Variants in HMG20B observed in about 807,000 individuals in gnomAD.
HMG20B encodes high mobility group 20B.
In HMG20B, 24 loss-of-function variants were observed where a neutral mutation model predicts 41.6. The observed-to-expected ratio is 0.58, with a 90% CI of 0.42 to 0.81. The LOEUF is 0.81. Among genes scored for constraint, HMG20B ranks in the 30% least tolerant of loss-of-function variants. The pLI is 0.00. For missense variants in HMG20B, 461 were observed against 444.0 expected (o/e 1.04, Z -0.34); for synonymous variants, 251 against 186.6 (o/e 1.34, Z -2.81).
rs2032082506 is a variant in HMG20B, at chr19:3,573,345, C to T, written c.36C>T (p.Ala12=). Residue 12 remains alanine (A), a splice_region_variant and synonymous_variant, in exon 2 of 10, where the codon GCC becomes GCT. Transcript: ENST00000333651. ...SHGPKQPGAA[A]APAGGKAPGQ... is the part of the protein sequence containing the mutation. ...GCCCCAAGCAGCCCGGCGCGGCCGC[C>T]GCGTGAGTGCACTGATCCCCTCCCC... The T allele has an allele frequency of 1.3e-6, 2 of 1,537,024 alleles. No individual in the cohort carries two copies. The highest frequency in any genetic ancestry group is 1.7e-6 in the Non-Finnish European group (2 of 1,144,056).
intron 5 of HMG20B, 21 bp downstream of exon 5, chr19:3,575,681 T>A: frequency 6.5e-7 from 1 of 1,541,254 alleles, no homozygotes; most frequent in South Asian, 1.2e-5. Context: ...TCGGGCGCGG[T>A]GGCTCACGCC....
chr19:3,577,483 GC>G (rs2032196286), intron 8 of HMG20B, among the ~76,000 whole-genome samples: 1 of 59,226 alleles, frequency 1.7e-5, no homozygotes, highest in Non-Finnish European at 3.4e-5. Context: ...CACCCTTCGC[GC>G]CCCCACCGCT....
At chr19:3,574,649 G>A in intron 4 of HMG20B, 63 bp downstream of exon 4, 2 of 1,420,416 alleles carry the variant, frequency 1.4e-6, no homozygotes, top group Middle Eastern at 1.8e-4. Context: ...CAGTAGCCCC[G>A]ACCCCCAAAG....
rs1568273113 is a variant in HMG20B at position 3,577,159 on chromosome 19, G to GCCTCCCCCCC, written c.808+58_808+67dup. The GCCTCCCCCCC allele has an allele frequency of 1.2e-5, 13 of 1,114,380 alleles. No homozygotes were observed. The African/African-American group carries it at 1.2e-4, about 10-fold the overall frequency. The allele number at this position is 1,114,380 out of a possible 1,614,324, so 69.0% of individuals were successfully genotyped here. On this transcript the variant is annotated intron_variant, in intron 8 of 9. Transcript: ENST00000333651. The stretch of plus-strand genomic sequence containing the variant: ...CCGCCCCGGTCACCCGGCCCCGCCC[G>GCCTCCCCCCC]CCTCCCCCCCCCTCCTCCCTTCCCC...
At chr19:3,574,302 C>CG in intron 3 of HMG20B, 81 bp from the exon 4 acceptor site, 2 of 1,177,528 alleles carry the variant, frequency 1.7e-6, no homozygotes, top group Non-Finnish European at 2.4e-6. Flanking sequence ...CGCCCATACG[C>CG]GTTAGGCCCC....
In HMG20B at chr19:3,576,296, A is replaced by C; in HGVS notation, c.508A>C (p.Asn170His). The C allele has an allele frequency of 6.2e-7, 1 of 1,611,690 alleles. No individual in the cohort carries two copies. The highest frequency in any genetic ancestry group is 1.1e-5 in the South Asian group (1 of 91,022). ...CTCTGGGCTCATGAACACTCTCCTGAATGGACACAAGGTAAGCGACCTTCT... is the reference window on the plus strand; with the variant it reads ...CTCTGGGCTCATGAACACTCTCCTGCATGGACACAAGGTAAGCGACCTTCT... ...SSSGLMNTLL[N>H]GHKGGDCDGF... Residue 170 changes from asparagine (N) to histidine (H), a missense_variant, in exon 6 of 10, where the codon AAT becomes CAT. By Grantham distance (68) the Asn-to-His change is moderately conservative. This residue lies in a region of HMG20B where 308 missense variants were observed against 283.4 expected (regional missense o/e 1.09). Transcript: ENST00000333651.
At chr19:3,577,575 G>T (rs1330844281) in intron 8 of HMG20B, among the ~76,000 whole-genome samples, 2 of 114,332 alleles carry the variant, frequency 1.7e-5, no homozygotes, top group African/African-American at 6.9e-5. Flanking sequence ...CTCCCCGCTC[G>T]CCACGCCACG....
intron 6 of HMG20B, 95 bp downstream of exon 6, chr19:3,576,402 CA>C: frequency 7.1e-7 from 1 of 1,411,884 alleles, no homozygotes; most frequent in Non-Finnish European, 1.0e-6. Context: ...CAGATGTGTG[CA>C]AGCAGGGGCG....
intron 9 of HMG20B, 88 bp downstream of exon 9, chr19:3,578,201 G>C: frequency 1.3e-6 from 2 of 1,523,736 alleles, no homozygotes; most frequent in Non-Finnish European, 1.8e-6. Context: ...AGGGCTGCTG[G>C]GTGGGACTCC....
At position 3,579,060 on chromosome 19, in the gene HMG20B, A is replaced by C. The variant is rs1166598728; in HGVS notation, c.*539A>C. 1 of 335,796 alleles carries C rather than the reference A, an allele frequency of 3.0e-6. No individual in the cohort carries two copies. The highest frequency in any genetic ancestry group is 2.2e-5 in the African/African-American group (1 of 46,226). 20.8% of individuals were successfully genotyped at this position (335,796 alleles called of 1,614,324 possible). A position where few individuals can be genotyped will look rare whatever the true frequency, so the allele number is the denominator to read the frequency against. On this transcript the variant is annotated 3_prime_UTR_variant, in exon 10 of 10. Coordinates refer to ENST00000333651, the MANE Select transcript of HMG20B (RefSeq NM_006339.3). This position sits in a 1 kb window ranked among gnomAD's most constrained non-coding sequence, Gnocchi z 7.4. ...TGCTGGATCCGGACTTTTTAAATAA[A>C]AACAAGTAAAATTTGTGTTTTAAGC...
chr19:3,576,396 T>G (rs867355774), intron 6 of HMG20B, 89 bp downstream of exon 6: 1 of 1,445,170 alleles, frequency 6.9e-7, no homozygotes, highest in Non-Finnish European at 9.7e-7. Flanking sequence ...CTCGCCCAGA[T>G]GTGTGCAAGC....
intron 1 of HMG20B, 103 bp downstream of exon 1, chr19:3,573,097 C>A (rs916657801): frequency 1.4e-5 from 7 of 508,288 alleles, no homozygotes; most frequent in Non-Finnish European, 2.4e-5. Context: ...CCGGCCCAGG[C>A]CTCCCGGGGG....
At chr19:3,575,759 T>A in intron 5 of HMG20B, 99 bp downstream of exon 5, 1 of 991,500 alleles carries the variant, frequency 1.0e-6, no homozygotes, top group Non-Finnish European at 1.5e-6. Context: ...CTGGCCAACA[T>A]AGTGAAACCC....
At chr19:3,577,259 G>A in intron 8 of HMG20B, 152 bp downstream of exon 8, 1 of 574,064 alleles carries the variant, frequency 1.7e-6, no homozygotes, top group South Asian at 2.1e-5. Context: ...CTATCGCCCC[G>A]CCCTCATCAC....
intron 3 of HMG20B, 165 bp downstream of exon 3, chr19:3,573,965 T>G: frequency 1.4e-6 from 1 of 730,736 alleles, no homozygotes; most frequent in Non-Finnish European, 2.4e-6. Flanking sequence ...TGACAGGTCC[T>G]CTGCCACTCT....
Position 3,578,847 on chromosome 19 carries a change from A to G in HMG20B, c.*326A>G. ...CACAGGGCAGACGAAACCCACCCCC[A>G]GCACACGGCAGGACCCCCCAAATTA... On this transcript the variant is annotated 3_prime_UTR_variant, in exon 10 of 10. Coordinates refer to ENST00000333651, the MANE Select transcript of HMG20B (RefSeq NM_006339.3). 1 of 624,334 alleles carries G rather than the reference A, an allele frequency of 1.6e-6. No individual in the cohort carries two copies. The highest frequency in any genetic ancestry group is 3.0e-6 in the Non-Finnish European group (1 of 333,944). The allele number at this position is 624,334 out of a possible 1,614,324, so 38.7% of individuals were successfully genotyped here.
Position 3,576,562 on chromosome 19 carries a change from T to A in HMG20B, c.529T>A (p.Cys177Ser). 6.2e-7 allele frequency: 1 copy of A among 1,613,312 alleles called. No individual in the cohort carries two copies. The highest frequency in any genetic ancestry group is 8.5e-7 in the Non-Finnish European group (1 of 1,179,576). ...TGTCCCTTCGTCTTAGGGTGGGGAC[T>A]GCGATGGCTTCTCCACCTTCGATGT... ...TLLNGHKGGD[C>S]DGFSTFDVPI... is the part of the protein sequence containing the mutation. Residue 177 changes from cysteine (C) to serine (S), a missense_variant, in exon 7 of 10, where the codon TGC becomes AGC. By Grantham distance (112) the Cys-to-Ser change is moderately radical. Around this residue, in one of 3 missense-constraint regions of HMG20B, gnomAD observed 308 missense variants for 283.4 expected, o/e 1.09. Coordinates refer to ENST00000333651, the MANE Select transcript of HMG20B (RefSeq NM_006339.3).
Position 3,576,269 on chromosome 19 carries a change from A to C in HMG20B, c.481A>C (p.Ser161Arg). The C allele has an allele frequency of 6.2e-7, 1 of 1,613,804 alleles. No individual in the cohort carries two copies. Among genetic ancestry groups the C allele is most frequent in the Non-Finnish European group, 8.5e-7 (1 of 1,179,838 alleles). Reference protein sequence around the residue: ...QEKKIKKEDSSSGLMNTLLNG... With the variant: ...QEKKIKKEDSRSGLMNTLLNG... ...TTCCCCTCCCCCGCCAGAAGACTCG[A>C]GCTCTGGGCTCATGAACACTCTCCT... The change falls in exon 6 of 10, where the codon AGC becomes CGC. Residue 161 changes from serine to arginine, a missense_variant. Coordinates refer to ENST00000333651, the MANE Select transcript of HMG20B (RefSeq NM_006339.3).
At chr19:3,575,356 A>C in intron 4 of HMG20B, 184 bp from the exon 5 acceptor site, 2 of 978,508 alleles carry the variant, frequency 2.0e-6, no homozygotes, top group Non-Finnish European at 1.4e-6. Flanking sequence ...GGGCATGGGA[A>C]GTGAGGTGGG....
Sources: gnomAD v4.1 joint callset for allele counts (sites outside exome capture counted in the v4.1 genomes callset) on GRCh38, gnomAD v4.1.1 for gene constraint, gnomAD v4.1.1 regional missense constraint, Gnocchi (gnomAD v3.1) non-coding constraint, MANE v1.5 for transcripts, NCBI Gene and HGNC (gene_info 2026-07-23, HGNC 2026-07-21) for gene names.